MARCHF10: variants seen among roughly 807,000 people sequenced by gnomAD.
MARCHF10 encodes the protein membrane associated ring-CH-type finger 10, also known as probable E3 ubiquitin-protein ligase MARCHF10.
Under a neutral mutation model 76.2 loss-of-function variants are expected in MARCHF10, and 64 were observed. That is an observed-to-expected ratio of 0.84 (90% confidence interval 0.69 to 1.03). The LOEUF is 1.03. Among genes scored for constraint, MARCHF10 ranks in the 50% least tolerant of loss-of-function variants. The pLI is 0.00. For synonymous variants in MARCHF10, 340 were observed against 357.5 expected (o/e 0.95, Z 0.55); for missense variants, 875 against 958.0 (o/e 0.91, Z 1.14).
intron 2 of MARCHF10, among the ~76,000 whole-genome samples, chr17:62,797,361 C>G (rs1242504285): frequency 6.6e-6 from 1 of 152,218 alleles, no homozygotes; most frequent in Non-Finnish European, 1.5e-5. Context: ...CCTGACACCA[C>G]GCCCAGCTAA....
intron 3 of MARCHF10, among the ~76,000 whole-genome samples, chr17:62,769,722 CA>C (rs2092406103): frequency 6.6e-6 from 1 of 152,140 alleles, no homozygotes; most frequent in African/African-American, 2.4e-5. Context: ...CCTAATTCCA[CA>C]TTCCTTTTAC....
Position 62,801,740 on chromosome 17 carries a change from C to T in MARCHF10, c.-5G>A. 2 of 1,613,164 alleles carry T rather than the reference C, an allele frequency of 1.2e-6. No homozygotes were observed. Among genetic ancestry groups the T allele is most frequent in the Non-Finnish European group, 1.7e-6 (2 of 1,179,120 alleles). ...GTCCCTTGCGTCATGCAACATGATT[C>T]CTAATCCCTGACCTGCACAGAAAAG... On this transcript the variant is annotated 5_prime_UTR_variant, in exon 2 of 11. Transcript: ENST00000311269.
intron 2 of MARCHF10, among the ~76,000 whole-genome samples, chr17:62,792,674 C>T (rs1280736864): frequency 6.7e-6 from 1 of 149,210 alleles, no homozygotes; most frequent in Non-Finnish European, 1.5e-5. Context: ...CCACCACCAC[C>T]ACCACCTCCA....
chr17:62,757,386 C>T (rs986949727), intron 4 of MARCHF10, among the ~76,000 whole-genome samples: 3 of 152,182 alleles, frequency 2.0e-5, no homozygotes, highest in Admixed American at 1.3e-4. Context: ...ATTGGATCAA[C>T]GTGTCCAGCT....
At chr17:62,747,693 G>A (rs2091753555) in intron 4 of MARCHF10, among the ~76,000 whole-genome samples, 1 of 152,190 alleles carries the variant, frequency 6.6e-6, no homozygotes, top group Non-Finnish European at 1.5e-5. Context: ...TCATTCCCAT[G>A]AGACAACTGA....
chr17:62,788,646 C>T, intron 2 of MARCHF10, 47 bp from the exon 3 acceptor site: 1 of 1,610,048 alleles, frequency 6.2e-7, no homozygotes, highest in Non-Finnish European at 8.5e-7. Context: ...CCATGGCAAG[C>T]TTGGGTAACT....
intron 3 of MARCHF10, among the ~76,000 whole-genome samples, chr17:62,765,578 G>C (rs76942256): frequency 6.6e-6 from 1 of 152,038 alleles, no homozygotes; most frequent in African/African-American, 2.4e-5. Context: ...CCATCACTAC[G>C]GGGGTGCCCT....
chr17:62,732,845 T>G (rs2091087134), intron 6 of MARCHF10, among the ~76,000 whole-genome samples: 1 of 151,630 alleles, frequency 6.6e-6, no homozygotes, highest in South Asian at 2.1e-4. Context: ...ATACAAAAAT[T>G]AGCTGGGCGT....
In MARCHF10 at chr17:62,738,503, T is replaced by G. The variant is rs1420572168; in HGVS notation, c.536-1171A>C. Among the ~76,000 whole-genome samples the G allele has an allele frequency of 6.6e-6, 1 of 152,198 alleles. No homozygotes were observed. Among genetic ancestry groups the G allele is most frequent in the Admixed American group, 6.5e-5 (1 of 15,280 alleles). ...TGCTATTGTGTGGGATCTGATGAGA[T>G]GCTGCTCTTTTTATCATTCCATTTC... On this transcript the variant is annotated intron_variant, in intron 5 of 10. Coordinates refer to ENST00000311269, the MANE Select transcript of MARCHF10 (RefSeq NM_152598.4). The surrounding 1 kb of genome is among the most constrained non-coding windows in gnomAD (Gnocchi z 4.0).
intron 4 of MARCHF10, among the ~76,000 whole-genome samples, chr17:62,752,028 A>G (rs1236216822): frequency 1.1e-5 from 1 of 91,578 alleles, no homozygotes; most frequent in Admixed American, 9.9e-5. Context: ...TCAAAAAAGA[A>G]AAAAAAAAAA....
In MARCHF10 at chr17:62,744,375, C is replaced by T; in HGVS notation, c.535+1G>A. The T allele has an allele frequency of 6.2e-7, 1 of 1,613,394 alleles. No homozygotes were observed. Among genetic ancestry groups the T allele is most frequent in the African/African-American group, 1.3e-5 (1 of 75,008 alleles). On this transcript the variant is annotated splice_donor_variant, in intron 5 of 10. Transcript: ENST00000311269. LOFTEE classifies it high-confidence loss of function. Reference sequence around the variant, plus strand: ...AAGGTTCGGGAGCCCCGGGTCCTTACCTGCTCCCCTGGGAACCGGCACCTT... The same window carrying T: ...AAGGTTCGGGAGCCCCGGGTCCTTATCTGCTCCCCTGGGAACCGGCACCTT...
intron 9 of MARCHF10, among the ~76,000 whole-genome samples, chr17:62,710,380 G>A (rs1045222159): frequency 6.6e-6 from 1 of 151,960 alleles, no homozygotes; most frequent in Non-Finnish European, 1.5e-5. Flanking sequence ...TTAAACCATG[G>A]AAGAGTTTAG....
chr17:62,731,974 A>G (rs894751670), intron 6 of MARCHF10, among the ~76,000 whole-genome samples: 1 of 152,240 alleles, frequency 6.6e-6, no homozygotes, highest in Admixed American at 6.5e-5. Flanking sequence ...GAGAAAACAT[A>G]TAGTCAGTTG....
rs1157841150 is a variant in MARCHF10 at position 62,701,612 on chromosome 17, G to A, written c.*91C>T. The A allele has an allele frequency of 6.2e-7, 1 of 1,607,056 alleles. No homozygotes were observed. The highest frequency in any genetic ancestry group is 8.5e-7 in the Non-Finnish European group (1 of 1,178,062). On this transcript the variant is annotated 3_prime_UTR_variant, in exon 11 of 11. Coordinates refer to ENST00000311269, the MANE Select transcript of MARCHF10 (RefSeq NM_152598.4). ...TGTGAACGCTTTGGTTTCAGTTTCAGTAAAGAGGAGGAGGGAGGGAGGCAC... is the reference window on the plus strand; with the variant it reads ...TGTGAACGCTTTGGTTTCAGTTTCAATAAAGAGGAGGAGGGAGGGAGGCAC...
chr17:62,717,727 C>G (rs2090286424), intron 8 of MARCHF10, among the ~76,000 whole-genome samples: 1 of 152,254 alleles, frequency 6.6e-6, no homozygotes, highest in African/African-American at 2.4e-5. Context: ...CCTGGCCACA[C>G]TGCTAGTCCC....
chr17:62,701,347 ATGGCTC>A lies in MARCHF10; in HGVS notation c.*350_*355del. 3.2e-6 allele frequency: 1 copy of A among 314,818 alleles called. No homozygotes were observed. Among genetic ancestry groups the A allele is most frequent in the South Asian group, 5.0e-5 (1 of 20,152 alleles). 19.5% of individuals were successfully genotyped at this position (314,818 alleles called of 1,614,324 possible). ...TAATGTCAGTTTACTGAATGAATAC[ATGGCTC>A]GAGTCCATTCAGGGTGGAGTGAGGC... On this transcript the variant is annotated 3_prime_UTR_variant, in exon 11 of 11. Transcript: ENST00000311269.
intron 7 of MARCHF10, 121 bp downstream of exon 7, chr17:62,724,817 T>C: frequency 9.6e-7 from 1 of 1,038,148 alleles, no homozygotes; most frequent in South Asian, 1.5e-5. Flanking sequence ...CAGCCACGTG[T>C]CCCTGAGTCG....
intron 8 of MARCHF10, among the ~76,000 whole-genome samples, chr17:62,720,658 T>A (rs1243410540): frequency 2.0e-5 from 3 of 152,180 alleles, no homozygotes; most frequent in Non-Finnish European, 2.9e-5. Context: ...CTATTCACTG[T>A]AAGCACCTGG....
intron 4 of MARCHF10, among the ~76,000 whole-genome samples, chr17:62,748,983 A>G (rs892351831): frequency 2.6e-5 from 4 of 152,168 alleles, no homozygotes; most frequent in African/African-American, 9.7e-5. Flanking sequence ...CAGGAGTTTC[A>G]CTGCCAGGTA....
Sources: allele counts gnomAD v4.1 joint callset (sites outside exome capture counted in the v4.1 genomes callset), GRCh38; gene constraint gnomAD v4.1.1; non-coding constraint Gnocchi (gnomAD v3.1); transcripts MANE v1.5; gene names NCBI Gene and HGNC (gene_info 2026-07-23, HGNC 2026-07-21).